DNAH9: variants seen among roughly 807,000 people sequenced by gnomAD.
DNAH9 encodes dynein axonemal heavy chain 9.
DNAH9 carries 345 observed loss-of-function variants against 471.6 expected under a neutral mutation model. That is an observed-to-expected ratio of 0.73 (90% CI 0.67 to 0.80). The LOEUF (loss-of-function observed/expected upper bound fraction) is 0.80. DNAH9 is among the 30% of genes least tolerant of loss of function. The pLI, the probability that DNAH9 is intolerant of heterozygous loss-of-function variation, is 0.00. For synonymous variants in DNAH9, 2,093 were observed against 2,123.6 expected (o/e 0.99, Z 0.40); for missense variants, 5,407 against 5,609.2 (o/e 0.96, Z 1.15).
intron 13 of DNAH9, 119 bp from the exon 14 acceptor site, chr17:11,652,642 C>T: frequency 1.1e-6 from 1 of 949,484 alleles, no homozygotes; most frequent in Non-Finnish European, 1.6e-6. Flanking sequence ...ATGAAGTTAC[C>T]TGTGTAGAAA....
chr17:11,840,209 C>T (rs572724008), intron 49 of DNAH9, among the ~76,000 whole-genome samples: 4 of 152,242 alleles, frequency 2.6e-5, no homozygotes, highest in African/African-American at 7.2e-5. Flanking sequence ...GCATTTGCAA[C>T]AACACTAATG....
In DNAH9 at chr17:11,727,865, C is replaced by T. The variant is rs1597552760; in HGVS notation, c.5757C>T (p.Gly1919=). ...YKGLAQTGAW[G]CFDEFNRISV... is the part of the protein sequence containing the mutation. ...GCCTTGCTCAGACTGGTGCCTGGGG[C>T]TGCTTTGATGAGTTTAATCGAATCT... The change falls in exon 28 of 69, where the codon GGC becomes GGT. Residue 1919 remains glycine, a synonymous_variant. Transcript: ENST00000262442. 2 of 1,614,088 alleles carry T rather than the reference C, an allele frequency of 1.2e-6. No homozygotes were observed. The highest frequency in any genetic ancestry group is 2.7e-5 in the African/African-American group (2 of 75,024).
intron 37 of DNAH9, among the ~76,000 whole-genome samples, 195 bp downstream of exon 37, chr17:11,768,821 T>G (rs905995446): frequency 1.3e-5 from 2 of 152,046 alleles, no homozygotes; most frequent in Non-Finnish European, 2.9e-5. Flanking sequence ...GGACATTTCC[T>G]CAAGAGAGGA....
chr17:11,872,753 T>A (rs1972326208), intron 52 of DNAH9, among the ~76,000 whole-genome samples: 1 of 152,060 alleles, frequency 6.6e-6, no homozygotes, highest in African/African-American at 2.4e-5. Flanking sequence ...ACCACGTCTC[T>A]ACTAAAAATA....
intron 61 of DNAH9, among the ~76,000 whole-genome samples, chr17:11,913,705 C>T (rs898501995): frequency 5.9e-5 from 9 of 151,564 alleles, no homozygotes; most frequent in Non-Finnish European, 1.2e-4. Flanking sequence ...TGGCATGAAC[C>T]CAGGAGGTGG....
chr17:11,604,440 A>G (rs1309753601), intron 1 of DNAH9, among the ~76,000 whole-genome samples: 3 of 152,030 alleles, frequency 2.0e-5, no homozygotes, highest in Non-Finnish European at 4.4e-5. Flanking sequence ...TCCACAAGCC[A>G]TTTGTATCTG....
chr17:11,682,661 T>A (rs2074155825), intron 19 of DNAH9, among the ~76,000 whole-genome samples: 1 of 152,094 alleles, frequency 6.6e-6, no homozygotes, highest in Non-Finnish European at 1.5e-5. Flanking sequence ...ACATTTAGAA[T>A]CACCTGGAGA....
chr17:11,829,368 A>C (rs1472405077), intron 48 of DNAH9, among the ~76,000 whole-genome samples: 1 of 152,268 alleles, frequency 6.6e-6, no homozygotes, highest in Non-Finnish European at 1.5e-5. Flanking sequence ...AAATCTATTT[A>C]GCAATGATAA....
intron 48 of DNAH9, among the ~76,000 whole-genome samples, chr17:11,828,419 G>A (rs1432004701): frequency 6.9e-6 from 1 of 145,094 alleles, no homozygotes; most frequent in Non-Finnish European, 1.5e-5. Flanking sequence ...GTTGCAGTGA[G>A]CTGAGATCGC....
chr17:11,947,770 CTATTT>C (rs1975184326), intron 67 of DNAH9, among the ~76,000 whole-genome samples: 1 of 98,554 alleles, frequency 1.0e-5, no homozygotes, highest in African/African-American at 3.7e-5. Context: ...GGGCTGGGAA[CTATTT>C]TTTTTTTTTT....
chr17:11,644,485 C>T (rs2073340615), intron 10 of DNAH9, 146 bp from the exon 11 acceptor site: 2 of 607,992 alleles, frequency 3.3e-6, no homozygotes, highest in African/African-American at 1.9e-5. Context: ...GTAAGATGTT[C>T]GCGAAGAAGA....
At chr17:11,910,689 G>A (rs1973765978) in intron 61 of DNAH9, among the ~76,000 whole-genome samples, 1 of 152,124 alleles carries the variant, frequency 6.6e-6, no homozygotes, top group Admixed American at 6.6e-5. Flanking sequence ...GCAAATTCCA[G>A]TTTCCCCGAG....
intron 19 of DNAH9, among the ~76,000 whole-genome samples, chr17:11,685,229 C>G (rs1279790964): frequency 6.6e-6 from 1 of 151,792 alleles, no homozygotes; most frequent in African/African-American, 2.4e-5. Context: ...GAGCCAGTGG[C>G]AAGTAAGAGC....
intron 45 of DNAH9, among the ~76,000 whole-genome samples, chr17:11,814,000 G>A (rs564587880): frequency 1.3e-5 from 2 of 152,294 alleles, no homozygotes; most frequent in East Asian, 3.9e-4. Flanking sequence ...TGGCTGCTGG[G>A]GTCCTTGATA....
Position 11,701,069 on chromosome 17 carries a change from G to A in DNAH9, c.5026-53G>A. 9 of 1,607,118 alleles carry A rather than the reference G, an allele frequency of 5.6e-6. No individual in the cohort carries two copies. The South Asian group carries it at 6.6e-5, about 12-fold the overall frequency. ...AGACTGAGTGGAAGAAAATATGTAGGACTAACCAAAACTTCTCAGGCACCC... is the reference window on the plus strand; with the variant it reads ...AGACTGAGTGGAAGAAAATATGTAGAACTAACCAAAACTTCTCAGGCACCC... On this transcript the variant is annotated intron_variant, in intron 23 of 68. Coordinates refer to ENST00000262442, the MANE Select transcript of DNAH9 (RefSeq NM_001372.4).
intron 28 of DNAH9, 114 bp from the exon 29 acceptor site, chr17:11,738,766 G>C: frequency 1.2e-6 from 1 of 863,810 alleles, no homozygotes; most frequent in Non-Finnish European, 1.9e-6. Context: ...TTCAGTGAAA[G>C]GGTCCACAGG....
At chr17:11,857,338 C>T (rs1971661552) in intron 50 of DNAH9, among the ~76,000 whole-genome samples, 1 of 152,120 alleles carries the variant, frequency 6.6e-6, no homozygotes, top group South Asian at 2.1e-4. Context: ...TTTTAACAAC[C>T]TCCTCTCCAT....
At chr17:11,729,757 G>T (rs562113031) in intron 28 of DNAH9, among the ~76,000 whole-genome samples, 2 of 152,316 alleles carry the variant, frequency 1.3e-5, no homozygotes, top group African/African-American at 4.8e-5. Flanking sequence ...CTCTGCCCTG[G>T]CAGGAGCCAG....
chr17:11,964,381 G>T (rs1976510907), intron 68 of DNAH9, among the ~76,000 whole-genome samples: 1 of 152,170 alleles, frequency 6.6e-6, no homozygotes, highest in Non-Finnish European at 1.5e-5. Flanking sequence ...CACTGGAAGT[G>T]GGGGAATGAT....
Sources: gnomAD v4.1 joint callset for allele counts (sites outside exome capture counted in the v4.1 genomes callset) on GRCh38, gnomAD v4.1.1 for gene constraint, MANE v1.5 for transcripts, NCBI Gene and HGNC (gene_info 2026-07-23, HGNC 2026-07-21) for gene names.